Variants in ANGEL1 observed in about 807,000 individuals in gnomAD.
ANGEL1 encodes RNA 2',3'-cyclic phosphatase ANGEL1.
Under a neutral mutation model 76.4 loss-of-function variants are expected in ANGEL1, and 62 were observed. The ratio of observed to expected loss-of-function variants is 0.81; its 90% CI spans 0.66 to 1.00. The LOEUF is 1.00. Among genes scored for constraint, ANGEL1 ranks in the 50% least tolerant of loss-of-function variants. The probability of loss-of-function intolerance (pLI) is 0.00; values close to 1 mark genes in which losing one functional copy is unlikely to be tolerated. For missense variants in ANGEL1, 737 were observed against 836.7 expected (o/e 0.88, Z 1.47); for synonymous variants, 340 against 331.7 (o/e 1.03, Z -0.27).
At chr14:76,808,965 G>T in intron 2 of ANGEL1, 94 bp downstream of exon 2, 1 of 1,214,234 alleles carries the variant, frequency 8.2e-7, no homozygotes, top group Non-Finnish European at 1.1e-6. Flanking sequence ...CAGTGGCAGA[G>T]CTCCCTACCA....
Position 76,808,167 on chromosome 14 carries a change from A to G in ANGEL1, c.650-19T>C, listed in dbSNP as rs760010114. On this transcript the variant is annotated intron_variant, in intron 2 of 9. Coordinates refer to ENST00000251089, the MANE Select transcript of ANGEL1 (RefSeq NM_015305.4). ...AAAATTTCTGCAAAGGATTGGGAGA[A>G]GCACTCAATGGCAAGTATGAGTAAT... 2 of 1,607,088 alleles carry G rather than the reference A, an allele frequency of 1.2e-6. No homozygotes were observed. The highest frequency in any genetic ancestry group is 1.7e-6 in the Non-Finnish European group (2 of 1,175,278).
rs1422745332 is a variant in ANGEL1 at position 76,806,689 on chromosome 14, T to C, written c.1107A>G (p.Leu369=). ...GGCCTTCTGGGACGAGTGGTTGCAGTAGCAACACTAAGCCCACATTATCCC... is the reference window on the plus strand; with the variant it reads ...GGCCTTCTGGGACGAGTGGTTGCAGCAGCAACACTAAGCCCACATTATCCC... ...LNRDNVGLVL[L]LQPLVPEGLG... is the part of the protein sequence containing the mutation. The change falls in exon 5 of 10, where the codon CTA becomes CTG. Residue 369 remains leucine, a synonymous_variant. Transcript: ENST00000251089. 1.9e-6 allele frequency: 3 copies of C among 1,613,082 alleles called. No homozygotes were observed. In the African/African-American group the frequency reaches 4.0e-5, roughly 22 times the overall value.
chr14:76,802,152 C>T (rs949397512), intron 7 of ANGEL1, among the ~76,000 whole-genome samples: 1 of 151,766 alleles, frequency 6.6e-6, no homozygotes, highest in Non-Finnish European at 1.5e-5. Flanking sequence ...AGCCTGGTGA[C>T]AGAGTGAGAC....
rs778325581 is a variant in ANGEL1 at position 76,807,394 on chromosome 14, G to A, written c.946+39C>T. ...TCAGGAGAGAGTAGACAAGTCTGTG[G>A]AAAGAAAAGCTGGCAAGCATCCCAG... On this transcript the variant is annotated intron_variant, in intron 4 of 9. Coordinates refer to ENST00000251089, the MANE Select transcript of ANGEL1 (RefSeq NM_015305.4). The A allele has an allele frequency of 1.1e-5, 18 of 1,585,038 alleles. No individual in the cohort carries two copies. In the South Asian group the frequency reaches 1.9e-4, roughly 17 times the overall value.
chr14:76,804,551 G>C, intron 5 of ANGEL1: 1 of 674,662 alleles, frequency 1.5e-6, no homozygotes, highest in East Asian at 1.4e-4. Context: ...CACTAGCTAG[G>C]TGCTGGGGAT....
chr14:76,802,038 A>G (rs1481821325), intron 7 of ANGEL1, among the ~76,000 whole-genome samples: 1 of 151,980 alleles, frequency 6.6e-6, no homozygotes, highest in Non-Finnish European at 1.5e-5. Context: ...CAGGCGTGGC[A>G]GCATGTGCCT....
Position 76,788,962 on chromosome 14 carries a change from G to T in ANGEL1, c.*266C>A. The T allele has an allele frequency of 4.7e-6, 2 of 422,662 alleles. No homozygotes were observed. Among genetic ancestry groups the T allele is most frequent in the Non-Finnish European group, 8.5e-6 (2 of 235,868 alleles). 26.2% of individuals were successfully genotyped at this position (422,662 alleles called of 1,614,324 possible). Reference sequence around the variant, plus strand: ...AGGGGGAGCGCTGGATACATGGAAGGAAGGGGGAGCCCCCCTTCTGCCTCT... The same window carrying T: ...AGGGGGAGCGCTGGATACATGGAAGTAAGGGGGAGCCCCCCTTCTGCCTCT... On this transcript the variant is annotated 3_prime_UTR_variant, in exon 10 of 10. Coordinates refer to ENST00000251089, the MANE Select transcript of ANGEL1 (RefSeq NM_015305.4).
chr14:76,791,809 T>C (rs1405358393), intron 7 of ANGEL1, among the ~76,000 whole-genome samples: 1 of 152,190 alleles, frequency 6.6e-6, no homozygotes, highest in Non-Finnish European at 1.5e-5. Context: ...TGTGTGTCTA[T>C]GCATGTATGC....
intron 7 of ANGEL1, among the ~76,000 whole-genome samples, chr14:76,800,094 T>C (rs1894717377): frequency 6.6e-6 from 1 of 152,204 alleles, no homozygotes; most frequent in Non-Finnish European, 1.5e-5. Context: ...TTTGCCCCTA[T>C]AGAATGAGTC....
chr14:76,808,692 C>T (rs1008842961), intron 2 of ANGEL1, among the ~76,000 whole-genome samples: 8 of 152,300 alleles, frequency 5.3e-5, no homozygotes, highest in Non-Finnish European at 1.2e-4. Flanking sequence ...GTAATTGTGA[C>T]TGAGACAGAG....
Position 76,812,771 on chromosome 14 carries a change from G to A in ANGEL1, c.57C>T (p.Ala19=), listed in dbSNP as rs1895129900. 3 of 1,522,504 alleles carry A rather than the reference G, an allele frequency of 2.0e-6. No individual in the cohort carries two copies. The highest frequency in any genetic ancestry group is 2.6e-6 in the Non-Finnish European group (3 of 1,139,938). The allele number at this position is 1,522,504 out of a possible 1,614,324, so 94.3% of individuals were successfully genotyped here. ...GGTACGCCTGGCCGGTACCTGAGAG[G>A]GCGCGGAAGAGGCGCGTGGCCGGCA... is the stretch of plus-strand genomic sequence containing the variant. ...LLLPATRLFR[A]LSDAFFTCRK... Residue 19 remains alanine (A), a synonymous_variant, in exon 1 of 10, where the codon GCC becomes GCT. Coordinates refer to ENST00000251089, the MANE Select transcript of ANGEL1 (RefSeq NM_015305.4).
chr14:76,799,793 A>T (rs1429830519), intron 7 of ANGEL1, among the ~76,000 whole-genome samples: 2 of 151,770 alleles, frequency 1.3e-5, no homozygotes, highest in Non-Finnish European at 2.9e-5. Flanking sequence ...AGTCCCAGCT[A>T]CTCGGAAGGT....
chr14:76,810,699 T>C (rs1231038473), intron 1 of ANGEL1, among the ~76,000 whole-genome samples: 1 of 152,182 alleles, frequency 6.6e-6, no homozygotes, highest in Admixed American at 6.5e-5. Flanking sequence ...AGGCTATAAA[T>C]TACAAGGTGC....
Position 76,803,568 on chromosome 14 carries a change from AG to A in ANGEL1, c.1508-88del, listed in dbSNP as rs1406114032. 3 of 1,383,804 alleles carry A rather than the reference AG, an allele frequency of 2.2e-6. No individual in the cohort carries two copies. The African/African-American group carries it at 4.3e-5, about 20-fold the overall frequency. 85.7% of individuals were successfully genotyped at this position (1,383,804 alleles called of 1,614,324 possible). A position where few individuals can be genotyped will look rare whatever the true frequency, so the allele number is the denominator to read the frequency against. ...CTTAGTACCAAGCAACTTCCAGCAT[AG>A]GTACACAGAGGAAGCATTCAGAAGA... On this transcript the variant is annotated intron_variant, in intron 6 of 9. Coordinates refer to ENST00000251089, the MANE Select transcript of ANGEL1 (RefSeq NM_015305.4).
Position 76,789,046 on chromosome 14 carries a change from C to T in ANGEL1, c.*182G>A, listed in dbSNP as rs1595290519. 6 of 802,546 alleles carry T rather than the reference C, an allele frequency of 7.5e-6. No homozygotes were observed. Among genetic ancestry groups the T allele is most frequent in the Admixed American group, 5.3e-5 (2 of 37,856 alleles). 49.7% of individuals were successfully genotyped at this position (802,546 alleles called of 1,614,324 possible). A position where few individuals can be genotyped will look rare whatever the true frequency, so the allele number is the denominator to read the frequency against. On this transcript the variant is annotated 3_prime_UTR_variant, in exon 10 of 10. Transcript: ENST00000251089. ...GAAGAGGCTGGGGTGGGGCAAGGAC[C>T]ACAGGCAGAGAACGCAGCCAGGCCT...
At position 76,806,597 on chromosome 14, in the gene ANGEL1, C is replaced by T. The variant is rs1894924406; in HGVS notation, c.1199G>A (p.Gly400Asp). Residue 400 changes from glycine to aspartate, a missense_variant, in exon 5 of 10, where the codon GGC becomes GAC. Physicochemically the swap from Gly to Asp is moderately conservative, Grantham distance 94. Coordinates refer to ENST00000251089, the MANE Select transcript of ANGEL1 (RefSeq NM_015305.4). Reference protein sequence around the residue: ...NTHILYNPRRGDVKLAQMAIL... With the variant: ...NTHILYNPRRDDVKLAQMAIL... ...GGCCATCTGGGCCAGCTTGACATCG[C>T]CCCGGCGTGGGTTGTAAAGGATATG... is the stretch of plus-strand genomic sequence containing the variant. 1 of 1,614,086 alleles carries T rather than the reference C, an allele frequency of 6.2e-7. No individual in the cohort carries two copies. The highest frequency in any genetic ancestry group is 1.3e-5 in the African/African-American group (1 of 74,922).
At chr14:76,797,516 C>A (rs192812651) in intron 7 of ANGEL1, among the ~76,000 whole-genome samples, 5 of 152,320 alleles carry the variant, frequency 3.3e-5, no homozygotes, top group Non-Finnish European at 7.3e-5. Flanking sequence ...AGGAGAATCA[C>A]TTGAACCCAG....
chr14:76,798,131 G>T (rs67594157), intron 7 of ANGEL1, among the ~76,000 whole-genome samples: 1,867 of 50,654 alleles, frequency 0.037, 46 homozygotes, highest in Middle Eastern at 0.11. Context: ...CAGTGCCTTT[G>T]TTTTTTTTTT....
intron 7 of ANGEL1, among the ~76,000 whole-genome samples, chr14:76,799,445 C>A (rs1282800546): frequency 2.6e-5 from 4 of 151,904 alleles, no homozygotes; most frequent in Admixed American, 2.0e-4. Context: ...AGGCGCCCGC[C>A]ACCACACCTG....
Sources: gnomAD v4.1 joint callset for allele counts (sites outside exome capture counted in the v4.1 genomes callset) on GRCh38, gnomAD v4.1.1 for gene constraint, MANE v1.5 for transcripts, NCBI Gene and HGNC (gene_info 2026-07-23, HGNC 2026-07-21) for gene names.